The following GLI2 variants were observed in gnomAD, a reference collection of about 807,000 sequenced individuals.
GLI2 encodes GLI family zinc finger 2.
In GLI2, 22 loss-of-function variants were observed where a neutral mutation model predicts 78.9. The observed-to-expected ratio is 0.28, with a 90% CI of 0.20 to 0.40. GLI2 has a LOEUF of 0.40. GLI2 is among the 10% of genes least tolerant of loss of function. The pLI is 1.00. For missense variants in GLI2, 2,097 were observed against 2,213.2 expected, an observed-to-expected ratio of 0.95 and a Z score of 1.05; for synonymous variants, 974 against 963.7, an observed-to-expected ratio of 1.01 and a Z score of -0.20.
Position 120,735,927 on chromosome 2 carries a change from T to A in GLI2, c.-389T>A, listed in dbSNP as rs949893174. On this transcript the variant is annotated 5_prime_UTR_variant, in exon 1 of 14. Transcript: ENST00000361492. ...CCGAGGCAGCACGGCTCCGCGGACT[T>A]TTTTTCAAACTCCCATCAATGAGAC... 6.6e-6 allele frequency among the ~76,000 whole-genome samples: 1 copy of A among 151,764 alleles called. No individual in the cohort carries two copies. Among genetic ancestry groups the A allele is most frequent in the African/African-American group, 2.4e-5 (1 of 41,310 alleles).
chr2:120,959,131 T>A (rs1198488644), intron 5 of GLI2, among the ~76,000 whole-genome samples: 1 of 152,168 alleles, frequency 6.6e-6, no homozygotes, highest in East Asian at 1.9e-4. Context: ...TGAGCATCTC[T>A]GGGAAGCAGC....
At chr2:120,881,281 T>A (rs1316042739) in intron 2 of GLI2, among the ~76,000 whole-genome samples, 1 of 152,278 alleles carries the variant, frequency 6.6e-6, no homozygotes, top group South Asian at 2.1e-4. Flanking sequence ...CAGTATCTCC[T>A]TGTGAAAGGC....
intron 2 of GLI2, among the ~76,000 whole-genome samples, chr2:120,895,120 T>C (rs1677882489): frequency 6.6e-6 from 1 of 152,266 alleles, no homozygotes; most frequent in Non-Finnish European, 1.5e-5. Flanking sequence ...TGCATGGACC[T>C]CAGCCATCCC....
intron 2 of GLI2, among the ~76,000 whole-genome samples, chr2:120,894,689 T>G (rs527462627): frequency 2.6e-5 from 3 of 113,820 alleles, no homozygotes; most frequent in East Asian, 5.0e-4. Context: ...CCCATATGGT[T>G]TTCTTTTCTT....
chr2:120,952,858 TG>T, intron 4 of GLI2, among the ~76,000 whole-genome samples: 1 of 152,340 alleles, frequency 6.6e-6, no homozygotes, highest in South Asian at 2.1e-4. Flanking sequence ...TGAGCCACCA[TG>T]CCCAGCCCAT....
Position 120,989,777 on chromosome 2 carries a change from T to A in GLI2, c.3812T>A (p.Val1271Glu). Residue 1271 changes from valine to glutamate, a missense_variant, in exon 14 of 14, where the codon GTG becomes GAG. By Grantham distance (121) the Val-to-Glu change is moderately radical. Coordinates refer to ENST00000361492, the MANE Select transcript of GLI2 (RefSeq NM_001374353.1). Reference protein sequence around the residue: ...GHLGHPQQTEVAPDPTTMGNR... With the variant: ...GHLGHPQQTEEAPDPTTMGNR... ...CTGGGGCACCCTCAGCAGACAGAAG[T>A]GGCACCTGACCCCACCACGATGGGC... 1 of 1,611,614 alleles carries A rather than the reference T, an allele frequency of 6.2e-7. No individual in the cohort carries two copies. The highest frequency in any genetic ancestry group is 8.5e-7 in the Non-Finnish European group (1 of 1,179,032).
intron 2 of GLI2, among the ~76,000 whole-genome samples, chr2:120,900,914 T>C (rs1411272791): frequency 2.0e-5 from 3 of 152,184 alleles, no homozygotes; most frequent in Non-Finnish European, 4.4e-5. Flanking sequence ...CCTTTGCACT[T>C]TTCAAGAATT....
At chr2:120,867,827 TG>T (rs1034937832) in intron 2 of GLI2, among the ~76,000 whole-genome samples, 6 of 148,188 alleles carry the variant, frequency 4.0e-5, no homozygotes, top group African/African-American at 1.3e-4. Flanking sequence ...GGAGGGAGGA[TG>T]GGGGAGGAAA....
At chr2:120,875,810 G>C (rs1573520048) in intron 2 of GLI2, among the ~76,000 whole-genome samples, 3 of 152,140 alleles carry the variant, frequency 2.0e-5, no homozygotes. Flanking sequence ...TGGGGGATGA[G>C]GTGGGGGGGC....
rs1016718367 is a variant in GLI2 at position 120,978,583 on chromosome 2, G to A, written c.1467G>A (p.Thr489=). Residue 489 remains threonine, a splice_region_variant and synonymous_variant, in exon 10 of 14, where the codon ACG becomes ACA. Coordinates refer to ENST00000361492, the MANE Select transcript of GLI2 (RefSeq NM_001374353.1). ...CGGGCGAGAAGCCCCACAAGTGCACGGTGAGTGGCCTTCTCCCCACCCCCG... is the reference window on the plus strand; with the variant it reads ...CGGGCGAGAAGCCCCACAAGTGCACAGTGAGTGGCCTTCTCCCCACCCCCG... ...RHTGEKPHKC[T]FEGCSKAYSR... is the part of the protein sequence containing the mutation. 9.3e-6 allele frequency: 15 copies of A among 1,613,336 alleles called. No individual in the cohort carries two copies. Among genetic ancestry groups the A allele is most frequent in the South Asian group, 6.6e-5 (6 of 91,066 alleles).
At chr2:120,921,062 G>A (rs1440898731) in intron 2 of GLI2, among the ~76,000 whole-genome samples, 1 of 152,158 alleles carries the variant, frequency 6.6e-6, no homozygotes, top group Non-Finnish European at 1.5e-5. Context: ...GAGTTGGAAA[G>A]CAGAATTTTT....
In GLI2 at chr2:120,737,687, A is replaced by AT. The variant is rs1352120958; in HGVS notation, c.-31+1403dup. ...GAAGGTTTAATCCCGACAGCTTCAGATAAAGGGAGCAGTTGTAAAACGCTC... is the reference window on the plus strand; with the variant it reads ...GAAGGTTTAATCCCGACAGCTTCAGATTAAAGGGAGCAGTTGTAAAACGCTC... On this transcript the variant is annotated intron_variant, in intron 1 of 13. Transcript: ENST00000361492. The surrounding 1 kb of genome is among the most constrained non-coding windows in gnomAD (Gnocchi z 4.3). Among the ~76,000 whole-genome samples the AT allele has an allele frequency of 6.6e-6, 1 of 152,224 alleles. No individual in the cohort carries two copies. The highest frequency in any genetic ancestry group is 1.5e-5 in the Non-Finnish European group (1 of 68,032).
At chr2:120,895,615 A>G (rs558847702) in intron 2 of GLI2, among the ~76,000 whole-genome samples, 1 of 152,286 alleles carries the variant, frequency 6.6e-6, no homozygotes, top group African/African-American at 2.4e-5. Context: ...AGGCAGGAGA[A>G]TTGCTTGAAC....
At chr2:120,742,036 C>G (rs707483) in intron 1 of GLI2, among the ~76,000 whole-genome samples, 1 of 152,240 alleles carries the variant, frequency 6.6e-6, no homozygotes, top group East Asian at 1.9e-4. Context: ...CCCGCTTCCC[C>G]AGGAGGGGCT....
intron 2 of GLI2, among the ~76,000 whole-genome samples, chr2:120,894,215 T>C (rs1415740217): frequency 1.3e-5 from 2 of 152,212 alleles, no homozygotes; most frequent in Admixed American, 6.5e-5. Context: ...TCCCAAGCAA[T>C]TGTCCGTCTC....
intron 1 of GLI2, among the ~76,000 whole-genome samples, chr2:120,781,265 T>C (rs1683840206): frequency 6.6e-6 from 1 of 152,082 alleles, no homozygotes; most frequent in South Asian, 2.1e-4. Flanking sequence ...AGAAATGGCC[T>C]CTGATAGGGT....
intron 2 of GLI2, among the ~76,000 whole-genome samples, chr2:120,918,691 T>C (rs183810590): frequency 3.3e-5 from 5 of 152,326 alleles, no homozygotes; most frequent in Admixed American, 2.0e-4. Flanking sequence ...TCCACCCACC[T>C]CGGCCTCCCA....
chr2:120,922,389 A>G (rs910643892), intron 2 of GLI2, among the ~76,000 whole-genome samples: 11 of 152,070 alleles, frequency 7.2e-5, no homozygotes, highest in African/African-American at 2.7e-4. Context: ...ACACTGTGCT[A>G]CTGTATTGGG....
intron 2 of GLI2, among the ~76,000 whole-genome samples, chr2:120,876,749 G>T (rs1263555712): frequency 6.6e-6 from 1 of 152,098 alleles, no homozygotes; most frequent in Non-Finnish European, 1.5e-5. Flanking sequence ...GCAAGGTTCT[G>T]CTGGCTCTGC....
Sources: allele counts gnomAD v4.1 joint callset (sites outside exome capture counted in the v4.1 genomes callset), GRCh38; gene constraint gnomAD v4.1.1; non-coding constraint Gnocchi (gnomAD v3.1); transcripts MANE v1.5; gene names NCBI Gene and HGNC (gene_info 2026-07-23, HGNC 2026-07-21).